The following SAMD3 variants were observed in gnomAD, a reference collection of about 807,000 sequenced individuals.
The protein encoded by SAMD3 is sterile alpha motif domain-containing protein 3.
In SAMD3, 63 loss-of-function variants were observed where a neutral mutation model predicts 58.5. That is an observed-to-expected ratio of 1.08 (90% confidence interval 0.88 to 1.33). The LOEUF (loss-of-function observed/expected upper bound fraction) is 1.33, where lower values mean the gene tolerates loss of function less well. SAMD3 is among the 40% of genes most tolerant of loss of function. The pLI, the probability that SAMD3 is intolerant of heterozygous loss-of-function variation, is 0.00. For missense variants in SAMD3, 604 were observed against 608.4 expected (o/e 0.99, Z 0.08); for synonymous variants, 220 against 210.3 (o/e 1.05, Z -0.40).
chr6:130,209,454 T>A (rs752585638), intron 5 of SAMD3, 41 bp downstream of exon 5: 2 of 1,031,256 alleles, frequency 1.9e-6, no homozygotes, highest in Non-Finnish European at 3.0e-6. Context: ...TAGAGAAGAA[T>A]GTTATTTGGC....
At chr6:130,338,515 G>A (rs923005557) in intron 1 of SAMD3, among the ~76,000 whole-genome samples, 2 of 152,176 alleles carry the variant, frequency 1.3e-5, no homozygotes, top group East Asian at 1.9e-4. Flanking sequence ...CTTGCACCAT[G>A]TGCCTGGAAA....
chr6:130,350,921 G>A (rs571396085), intron 1 of SAMD3, among the ~76,000 whole-genome samples: 17 of 152,148 alleles, frequency 1.1e-4, no homozygotes, highest in African/African-American at 3.1e-4. Context: ...AGATAATGCC[G>A]CATATCTACA....
At chr6:130,360,885 C>T (rs150581926) in intron 1 of SAMD3, among the ~76,000 whole-genome samples, 2,924 of 152,196 alleles carry the variant, frequency 0.019, 89 homozygotes, top group African/African-American at 0.066. Context: ...AATAATTCAG[C>T]AATATTTCTC....
chr6:130,186,509 G>T (rs1425628109), intron 5 of SAMD3, among the ~76,000 whole-genome samples: 1 of 152,024 alleles, frequency 6.6e-6, no homozygotes, highest in Non-Finnish European at 1.5e-5. Flanking sequence ...ACCACAACAG[G>T]ATATTTCCAG....
Position 130,222,748 on chromosome 6 carries a change from G to A in SAMD3, c.-122C>T, listed in dbSNP as rs757937409. ...TCTCTTCCAGAAGAGAAGATCAAAG[G>A]AGAGAGCACCCCTCCTCCCCAGGCA... On this transcript the variant is annotated 5_prime_UTR_variant, in exon 1 of 12. Coordinates refer to ENST00000439090, the MANE Select transcript of SAMD3 (RefSeq NM_001017373.4). 1.6e-4 allele frequency: 24 copies of A among 152,228 alleles called. 1 individual carries two copies. The highest frequency in any genetic ancestry group is 6.2e-4 in the South Asian group (3 of 4,828). The allele number at this position is 152,228 out of a possible 1,614,324, so 9.4% of individuals were successfully genotyped here. A position where few individuals can be genotyped will look rare whatever the true frequency, so the allele number is the denominator to read the frequency against.
At chr6:130,164,084 TG>T (rs886447967) in intron 8 of SAMD3, among the ~76,000 whole-genome samples, 1 of 85,748 alleles carries the variant, frequency 1.2e-5, no homozygotes, top group Non-Finnish European at 2.4e-5. Context: ...TAAAGTAGGT[TG>T]AAAAAAAAAA....
At chr6:130,191,200 C>T (rs774961169) in intron 5 of SAMD3, among the ~76,000 whole-genome samples, 4 of 151,916 alleles carry the variant, frequency 2.6e-5, no homozygotes, top group African/African-American at 7.3e-5. Flanking sequence ...AATTAGACAC[C>T]GTGAGAGTTT....
In SAMD3 at chr6:130,178,270, G is replaced by A. The variant is rs554316762; in HGVS notation, c.655-2262C>T. On this transcript the variant is annotated intron_variant, in intron 7 of 11. Transcript: ENST00000439090. ...GGATTACAGGCGTGAGCCACCACGC[G>A]CCCGGCTGGCCCAACCCTTCTTGAA... Among the ~76,000 whole-genome samples the A allele has an allele frequency of 2.0e-4, 30 of 150,034 alleles. No individual in the cohort carries two copies. The South Asian group carries it at 6.2e-3, about 31-fold the overall frequency.
At chr6:130,365,657 C>G (rs1028601511), upstream of SAMD3, 27 of 985,342 alleles carry the variant, frequency 2.7e-5, no homozygotes, top group Non-Finnish European at 3.3e-5. Context: ...AGAGGCGGGC[C>G]CCACGGGTGG....
intron 5 of SAMD3, among the ~76,000 whole-genome samples, chr6:130,208,511 T>C (rs527259501): frequency 6.6e-6 from 1 of 152,220 alleles, no homozygotes; most frequent in African/African-American, 2.4e-5. Context: ...CCACCTGAGC[T>C]CCGCCTCCTG....
intron 5 of SAMD3, among the ~76,000 whole-genome samples, chr6:130,206,097 C>A (rs1237309406): frequency 6.6e-6 from 1 of 152,138 alleles, no homozygotes; most frequent in Non-Finnish European, 1.5e-5. Context: ...AAGGGCAGGG[C>A]CATAGGGAAA....
chr6:130,307,284 G>A (rs1775940188), intron 2 of SAMD3, among the ~76,000 whole-genome samples: 1 of 152,224 alleles, frequency 6.6e-6, no homozygotes, highest in Admixed American at 6.5e-5. Context: ...GCACTGTAAT[G>A]CTCTGCTGTT....
chr6:130,278,163 C>T (rs913409539), intron 2 of SAMD3, among the ~76,000 whole-genome samples: 1 of 152,158 alleles, frequency 6.6e-6, no homozygotes, highest in African/African-American at 2.4e-5. Context: ...GATAAACTGG[C>T]TCATCCAATC....
chr6:130,247,242 G>A (rs1773578165), intron 2 of SAMD3, among the ~76,000 whole-genome samples: 1 of 152,156 alleles, frequency 6.6e-6, no homozygotes, highest in Admixed American at 6.5e-5. Flanking sequence ...GGCCGAGGCG[G>A]GCGGATCACC....
At chr6:130,298,391 A>G (rs1046002967) in intron 2 of SAMD3, among the ~76,000 whole-genome samples, 1 of 152,190 alleles carries the variant, frequency 6.6e-6, no homozygotes, top group African/African-American at 2.4e-5. Flanking sequence ...AGATCTGCAC[A>G]TGGAAACAAA....
intron 2 of SAMD3, among the ~76,000 whole-genome samples, chr6:130,297,654 A>T (rs1446904658): frequency 1.3e-5 from 2 of 152,196 alleles, no homozygotes; most frequent in Admixed American, 1.3e-4. Flanking sequence ...ATGATTCAAG[A>T]TATAAAAGAC....
chr6:130,149,201 A>C (rs1236187664), intron 9 of SAMD3, among the ~76,000 whole-genome samples: 1 of 152,194 alleles, frequency 6.6e-6, no homozygotes. Context: ...TATGAGCACT[A>C]ACATCTGTGT....
intron 8 of SAMD3, chr6:130,161,217 A>G (rs544071791): frequency 9.8e-5 from 15 of 152,324 alleles, no homozygotes; most frequent in Admixed American, 2.6e-4. Context: ...ATTTTGTCTC[A>G]TAAACTACAT....
intron 5 of SAMD3, among the ~76,000 whole-genome samples, chr6:130,197,139 T>C (rs1024114285): frequency 6.6e-6 from 1 of 152,228 alleles, no homozygotes; most frequent in African/African-American, 2.4e-5. Context: ...AAGTCAGACC[T>C]GTCCTCAGAA....
Sources: gnomAD v4.1 joint callset for allele counts (sites outside exome capture counted in the v4.1 genomes callset) on GRCh38, gnomAD v4.1.1 for gene constraint, MANE v1.5 for transcripts, NCBI Gene and HGNC (gene_info 2026-07-23, HGNC 2026-07-21) for gene names.